The following CYP19A1 variants were observed in gnomAD, a reference collection of about 807,000 sequenced individuals.
The protein encoded by CYP19A1 is aromatase.
In CYP19A1, 32 loss-of-function variants were observed where a neutral mutation model predicts 44.4. That is an observed-to-expected ratio of 0.72 (90% CI 0.54 to 0.97). The LOEUF (loss-of-function observed/expected upper bound fraction) is 0.97. CYP19A1 is among the 50% of genes least tolerant of loss of function. The pLI is 0.00. For synonymous variants in CYP19A1, 212 were observed against 215.6 expected, an observed-to-expected ratio of 0.98 and a Z score of 0.14; for missense variants, 598 against 637.8, an observed-to-expected ratio of 0.94 and a Z score of 0.67.
At chr15:51,303,447 C>T (rs569506318) in intron 1 of CYP19A1, among the ~76,000 whole-genome samples, 4 of 151,784 alleles carry the variant, frequency 2.6e-5, no homozygotes, top group Non-Finnish European at 2.9e-5. Flanking sequence ...TTAGTATTGT[C>T]ATCACTATAA....
rs4646 is a variant in CYP19A1, at chr15:51,210,647, A to C, written c.*161T>G. 0.7 allele frequency: 527,583 copies of C among 752,108 alleles called. 187,141 individuals carry two copies. The highest frequency in any genetic ancestry group is 0.74 in the Non-Finnish European group (301,114 of 409,154). 46.6% of individuals were successfully genotyped at this position (752,108 alleles called of 1,614,324 possible). The stretch of plus-strand genomic sequence containing the variant: ...TCTGGTGTGAACAGGAGCAGATGAC[A>C]AATAGCACCTAGCTTGGTGACAACC... On this transcript the variant is annotated 3_prime_UTR_variant, in exon 10 of 10. Transcript: ENST00000396402.
intron 1 of CYP19A1, chr15:51,277,865 C>T (rs2035371251): frequency 6.6e-6 from 1 of 150,512 alleles, no homozygotes; most frequent in Non-Finnish European, 1.5e-5. Context: ...AGAATACATA[C>T]TATTATTAAA....
chr15:51,274,765 C>T (rs980189153), intron 1 of CYP19A1, among the ~76,000 whole-genome samples: 1 of 152,172 alleles, frequency 6.6e-6, no homozygotes, highest in African/African-American at 2.4e-5. Flanking sequence ...CTGTATACAT[C>T]ATCTCCTGCC....
intron 1 of CYP19A1, among the ~76,000 whole-genome samples, chr15:51,305,993 A>C (rs903622494): frequency 1.3e-5 from 2 of 152,200 alleles, no homozygotes; most frequent in African/African-American, 4.8e-5. Context: ...GCTGGGAAGC[A>C]AAAAAGCACC....
chr15:51,236,583 T>C (rs2033407077), intron 3 of CYP19A1, among the ~76,000 whole-genome samples: 1 of 152,232 alleles, frequency 6.6e-6, no homozygotes, highest in Non-Finnish European at 1.5e-5. Flanking sequence ...AATCAAATTA[T>C]CTGGCTTCTA....
intron 3 of CYP19A1, among the ~76,000 whole-genome samples, chr15:51,234,822 G>A (rs1243242042): frequency 6.6e-6 from 1 of 152,174 alleles, no homozygotes; most frequent in Non-Finnish European, 1.5e-5. Context: ...AAGTGGGGGT[G>A]TGGCCTGGGC....
chr15:51,239,375 C>T (rs1487038519), intron 2 of CYP19A1, among the ~76,000 whole-genome samples: 4 of 152,136 alleles, frequency 2.6e-5, no homozygotes, highest in African/African-American at 9.7e-5. Flanking sequence ...ACAATAGCCC[C>T]AAACTAAAGA....
At chr15:51,285,800 C>T (rs1316923970) in intron 1 of CYP19A1, among the ~76,000 whole-genome samples, 3 of 152,232 alleles carry the variant, frequency 2.0e-5, no homozygotes, top group African/African-American at 7.2e-5. Flanking sequence ...AGGGCCTTCA[C>T]AGCCTCCATA....
chr15:51,275,462 A>G (rs1426524946), intron 1 of CYP19A1, among the ~76,000 whole-genome samples: 3 of 152,228 alleles, frequency 2.0e-5, no homozygotes, highest in Non-Finnish European at 4.4e-5. Flanking sequence ...ATTCTGACAC[A>G]AGGAAAATGC....
intron 1 of CYP19A1, among the ~76,000 whole-genome samples, chr15:51,263,456 AT>A (rs1239592690): frequency 1.3e-5 from 2 of 152,254 alleles, no homozygotes; most frequent in Non-Finnish European, 2.9e-5. Context: ...AATAGACAGA[AT>A]GGGTGATAAC....
intron 1 of CYP19A1, among the ~76,000 whole-genome samples, chr15:51,291,975 G>T (rs2035856913): frequency 6.6e-6 from 1 of 152,208 alleles, no homozygotes; most frequent in African/African-American, 2.4e-5. Flanking sequence ...ACAAGAAAAG[G>T]CTGGCTACTT....
At chr15:51,243,650 T>TAAGGGAGAAGAGAATGAAAGG (rs1355722891) in intron 1 of CYP19A1, among the ~76,000 whole-genome samples, 1 of 151,862 alleles carries the variant, frequency 6.6e-6, no homozygotes, top group Admixed American at 6.6e-5. Context: ...AGAGGAAGAA[T>TAAGGGAGAAGAGAATGAAAGG]AAGGGAGAAG....
At chr15:51,264,543 C>G (rs896227989) in intron 1 of CYP19A1, among the ~76,000 whole-genome samples, 1 of 152,106 alleles carries the variant, frequency 6.6e-6, no homozygotes, top group Non-Finnish European at 1.5e-5. Flanking sequence ...CTGGAAGACA[C>G]TAACACCAGC....
At chr15:51,278,148 C>A (rs1360304530) in intron 1 of CYP19A1, 1 of 151,856 alleles carries the variant, frequency 6.6e-6, no homozygotes, top group East Asian at 1.9e-4. Context: ...CTTCTTGTTG[C>A]TAAGAGATCA....
At chr15:51,278,031 T>G (rs529693505) in intron 1 of CYP19A1, 14 of 151,326 alleles carry the variant, frequency 9.3e-5, no homozygotes, top group African/African-American at 3.4e-4. Flanking sequence ...TCACTTCTAG[T>G]TTTTGGACTC....
intron 1 of CYP19A1, among the ~76,000 whole-genome samples, chr15:51,256,479 A>G (rs1358034118): frequency 6.6e-6 from 1 of 152,186 alleles, no homozygotes; most frequent in African/African-American, 2.4e-5. Flanking sequence ...CCATGAGTGT[A>G]GCAGGGGAGA....
chr15:51,254,208 T>C (rs1290078592), intron 1 of CYP19A1, among the ~76,000 whole-genome samples: 1 of 152,228 alleles, frequency 6.6e-6, no homozygotes, highest in Non-Finnish European at 1.5e-5. Context: ...TGGGTGCTGA[T>C]AGCAGAGGCC....
At chr15:51,276,151 C>G (rs2035302614) in intron 1 of CYP19A1, among the ~76,000 whole-genome samples, 1 of 152,170 alleles carries the variant, frequency 6.6e-6, no homozygotes, top group African/African-American at 2.4e-5. Context: ...GTGCGTGTCT[C>G]AGAAATAACT....
intron 4 of CYP19A1, among the ~76,000 whole-genome samples, chr15:51,223,593 T>TCTCTCTCTCA (rs1356666512): frequency 6.9e-4 from 62 of 90,212 alleles, no homozygotes; most frequent in Non-Finnish European, 1.1e-3. Context: ...TCTCTCTCTC[T>TCTCTCTCTCA]CACACACACA....
Sources: allele counts gnomAD v4.1 joint callset (sites outside exome capture counted in the v4.1 genomes callset), GRCh38; gene constraint gnomAD v4.1.1; transcripts MANE v1.5; gene names NCBI Gene and HGNC (gene_info 2026-07-23, HGNC 2026-07-21).